Variants in ITGAV observed in about 807,000 individuals in gnomAD.
The protein encoded by ITGAV is integrin alpha-V.
A neutral mutation model predicts 143.8 loss-of-function variants in ITGAV; 76 were observed. The ratio of observed to expected loss-of-function variants is 0.53; its 90% CI spans 0.44 to 0.64. The LOEUF (loss-of-function observed/expected upper bound fraction) is 0.64, where lower values mean the gene tolerates loss of function less well. Among genes scored for constraint, ITGAV ranks in the 30% least tolerant of loss-of-function variants. The pLI is 0.00. For synonymous variants in ITGAV, 453 were observed against 446.7 expected (o/e 1.01, Z -0.18); for missense variants, 1,193 against 1,274.7 (o/e 0.94, Z 0.98).
At position 186,643,670 on chromosome 2, in the gene ITGAV, C is replaced by T. The variant is rs1257966140; in HGVS notation, c.1159+2082C>T. On this transcript the variant is annotated intron_variant, in intron 12 of 29. Transcript: ENST00000261023. ...TTATGTTCCAAAATTTTATATAGCC[C>T]CAAGGTAATTATGTGCAGTTTTTTA... Among the ~76,000 whole-genome samples, 8 of 151,836 alleles carry T rather than the reference C, an allele frequency of 5.3e-5. No individual in the cohort carries two copies. In the East Asian group the frequency reaches 1.4e-3, roughly 26 times the overall value.
intron 12 of ITGAV, among the ~76,000 whole-genome samples, chr2:186,642,670 G>A (rs1688142303): frequency 6.6e-6 from 1 of 151,254 alleles, no homozygotes; most frequent in South Asian, 2.1e-4. Context: ...GAGTAGCTGG[G>A]ACTACAGGCT....
chr2:186,637,899 A>G (rs956796239), intron 8 of ITGAV, among the ~76,000 whole-genome samples: 1 of 152,062 alleles, frequency 6.6e-6, no homozygotes, highest in Non-Finnish European at 1.5e-5. Context: ...TTTTGATCAC[A>G]TTTTTGTGCC....
intron 15 of ITGAV, among the ~76,000 whole-genome samples, chr2:186,653,067 T>A (rs1428673580): frequency 1.3e-5 from 2 of 149,540 alleles, no homozygotes; most frequent in African/African-American, 2.5e-5. Context: ...TGCCTCAGCC[T>A]CCCGAGTAGC....
chr2:186,615,864 A>G (rs777829723), intron 2 of ITGAV, among the ~76,000 whole-genome samples: 2 of 152,090 alleles, frequency 1.3e-5, no homozygotes, highest in African/African-American at 2.4e-5. Context: ...TTTCTAAATC[A>G]TTGCCTAACC....
intron 26 of ITGAV, among the ~76,000 whole-genome samples, chr2:186,672,197 G>T (rs191413091): frequency 6.6e-6 from 1 of 152,000 alleles, no homozygotes; most frequent in East Asian, 1.9e-4. Context: ...TGATCCGCCC[G>T]CCTCGGCCTC....
chr2:186,591,328 AT>A (rs1365149474), intron 1 of ITGAV, among the ~76,000 whole-genome samples: 1 of 152,166 alleles, frequency 6.6e-6, no homozygotes, highest in Non-Finnish European at 1.5e-5. Context: ...AGTTATTGCC[AT>A]TATTGTGTTA....
rs377142689 is a variant in ITGAV, at chr2:186,668,895, T to C, written c.2567T>C (p.Met856Thr). The change falls in exon 25 of 30, where the codon ATG becomes ACG. Residue 856 changes from methionine (M) to threonine (T), a missense_variant. Met to Thr is a moderately conservative substitution (Grantham distance 81). Transcript: ENST00000261023. ...GGACCAATGAACTGCACTTCAGATA[T>C]GGAGATCAACCCTTTGAGAATTAAG... Reference protein sequence around the residue: ...IDGPMNCTSDMEINPLRIKIS... With the variant: ...IDGPMNCTSDTEINPLRIKIS... 3.1e-6 allele frequency: 5 copies of C among 1,611,718 alleles called. No individual in the cohort carries two copies. The highest frequency in any genetic ancestry group is 1.1e-5 in the South Asian group (1 of 90,340).
At chr2:186,632,262 T>A (rs1687832591) in intron 5 of ITGAV, among the ~76,000 whole-genome samples, 1 of 152,240 alleles carries the variant, frequency 6.6e-6, no homozygotes, top group South Asian at 2.1e-4. Flanking sequence ...TATATATTTT[T>A]AAAATATATA....
At position 186,642,430 on chromosome 2, in the gene ITGAV, C is replaced by G. The variant is rs1688131563; in HGVS notation, c.1159+842C>G. 4.6e-5 allele frequency among the ~76,000 whole-genome samples: 7 copies of G among 151,926 alleles called. No individual in the cohort carries two copies. In the South Asian group the frequency reaches 1.2e-3, roughly 27 times the overall value. On this transcript the variant is annotated intron_variant, in intron 12 of 29. Coordinates refer to ENST00000261023, the MANE Select transcript of ITGAV (RefSeq NM_002210.5). ...TGGAAAGGTAAATGTTGTTTGCCCTCAAGATTTCACACCTGTCTTGTGGGT... is the reference window on the plus strand; with the variant it reads ...TGGAAAGGTAAATGTTGTTTGCCCTGAAGATTTCACACCTGTCTTGTGGGT...
intron 10 of ITGAV, among the ~76,000 whole-genome samples, chr2:186,638,981 G>A (rs546831123): frequency 6.8e-6 from 1 of 146,746 alleles, no homozygotes; most frequent in African/African-American, 2.5e-5. Flanking sequence ...AAAGAAAAAA[G>A]AGAAAAGAAT....
intron 2 of ITGAV, among the ~76,000 whole-genome samples, chr2:186,606,479 G>T (rs1687068778): frequency 6.6e-6 from 1 of 152,076 alleles, no homozygotes; most frequent in South Asian, 2.1e-4. Flanking sequence ...CTTAGGACAG[G>T]GATTGGCATG....
intron 1 of ITGAV, chr2:186,600,237 G>C (rs1686860953): frequency 9.1e-7 from 1 of 1,100,596 alleles, no homozygotes; most frequent in Admixed American, 2.3e-5. Context: ...ATTCTTTCTT[G>C]CCAGGGTCTT....
chr2:186,640,788 G>C (rs1688080143), intron 10 of ITGAV, 127 bp from the exon 11 acceptor site: 5 of 685,068 alleles, frequency 7.3e-6, no homozygotes, highest in Non-Finnish European at 9.9e-6. Context: ...CAAAAGACAA[G>C]ACATTTAGAT....
intron 2 of ITGAV, among the ~76,000 whole-genome samples, chr2:186,612,089 A>G (rs1687232402): frequency 6.6e-6 from 1 of 152,234 alleles, no homozygotes; most frequent in African/African-American, 2.4e-5. Flanking sequence ...AAGGAAAGAA[A>G]TAAAGATAAT....
chr2:186,594,026 C>T (rs1686683047), intron 1 of ITGAV, among the ~76,000 whole-genome samples: 1 of 152,166 alleles, frequency 6.6e-6, no homozygotes, highest in Non-Finnish European at 1.5e-5. Context: ...CCTTATCTTA[C>T]AGTTGGCAAT....
intron 1 of ITGAV, among the ~76,000 whole-genome samples, chr2:186,592,032 A>T (rs1477550246): frequency 6.6e-6 from 1 of 152,230 alleles, no homozygotes; most frequent in Non-Finnish European, 1.5e-5. Flanking sequence ...TCAAGTGTAT[A>T]CCTTCATGAG....
intron 2 of ITGAV, among the ~76,000 whole-genome samples, chr2:186,616,967 A>T (rs1429328265): frequency 4.6e-5 from 7 of 152,022 alleles, no homozygotes; most frequent in African/African-American, 1.7e-4. Flanking sequence ...AAGCTGCTTA[A>T]GAAAGTCTGT....
At chr2:186,617,569 C>T (rs554514595) in intron 2 of ITGAV, among the ~76,000 whole-genome samples, 2 of 151,586 alleles carry the variant, frequency 1.3e-5, no homozygotes, top group East Asian at 3.9e-4. Context: ...CTTCAAGTTT[C>T]TCTAGCAAAG....
intron 25 of ITGAV, among the ~76,000 whole-genome samples, chr2:186,669,384 A>G (rs1689000019): frequency 6.6e-6 from 1 of 152,216 alleles, no homozygotes; most frequent in African/African-American, 2.4e-5. Flanking sequence ...AAACAAAATA[A>G]AAGATATACC....
Sources: allele counts gnomAD v4.1 joint callset (sites outside exome capture counted in the v4.1 genomes callset), GRCh38; gene constraint gnomAD v4.1.1; transcripts MANE v1.5; gene names NCBI Gene and HGNC (gene_info 2026-07-23, HGNC 2026-07-21).